The following AEBP2 variants were observed in gnomAD, a reference collection of about 807,000 sequenced individuals.
The protein encoded by AEBP2 is AE binding protein 2.
Under a neutral mutation model 50.8 loss-of-function variants are expected in AEBP2, and 10 were observed. That is an observed-to-expected ratio of 0.20 (90% confidence interval 0.12 to 0.33). The LOEUF (loss-of-function observed/expected upper bound fraction) is 0.33, where lower values mean the gene tolerates loss of function less well. AEBP2 is among the 10% of genes least tolerant of loss of function. AEBP2 has a pLI of 1.00. For synonymous variants in AEBP2, 296 were observed against 261.3 expected (o/e 1.13, Z -1.28); for missense variants, 570 against 688.0 (o/e 0.83, Z 1.92).
rs538992101 is a variant in AEBP2, at chr12:19,496,473, A to G, written c.1174+2487A>G. ...AGACAGTGCTGTGATTTGAATTAGCATGGTTAACAGCTGCTGCATTTCACT... is the reference window on the plus strand; with the variant it reads ...AGACAGTGCTGTGATTTGAATTAGCGTGGTTAACAGCTGCTGCATTTCACT... On this transcript the variant is annotated intron_variant, in intron 4 of 7. Transcript: ENST00000266508. Among the ~76,000 whole-genome samples, 5 of 152,300 alleles carry G rather than the reference A, an allele frequency of 3.3e-5. No homozygotes were observed. In the South Asian group the frequency reaches 1.0e-3, roughly 32 times the overall value.
intron 3 of AEBP2, among the ~76,000 whole-genome samples, chr12:19,487,724 TAAAG>T (rs930399887): frequency 1.3e-5 from 2 of 148,980 alleles, no homozygotes; most frequent in African/African-American, 4.9e-5. Flanking sequence ...TTAAAAAACA[TAAAG>T]AAAAAAAAAG....
chr12:19,463,011 T>C (rs894835608), intron 2 of AEBP2, among the ~76,000 whole-genome samples: 1 of 152,238 alleles, frequency 6.6e-6, no homozygotes, highest in African/African-American at 2.4e-5. Context: ...AGGGTTCTGA[T>C]GTTTTGAGTT....
Position 19,458,145 on chromosome 12 carries a change from T to C in AEBP2, c.672-4365T>C, listed in dbSNP as rs377439678. Among the ~76,000 whole-genome samples, 25 of 152,320 alleles carry C rather than the reference T, an allele frequency of 1.6e-4. No homozygotes were observed. In the East Asian group the frequency reaches 1.7e-3, roughly 11 times the overall value. ...AGGAAGGGCACTGCTTTCTGTGAAATTGCTATCTAGCTCAGGGTCCTGTCA... is the reference window on the plus strand; with the variant it reads ...AGGAAGGGCACTGCTTTCTGTGAAACTGCTATCTAGCTCAGGGTCCTGTCA... On this transcript the variant is annotated intron_variant, in intron 1 of 7. Transcript: ENST00000266508.
At chr12:19,511,183 A>G (rs1466649441) in intron 5 of AEBP2, among the ~76,000 whole-genome samples, 1 of 152,066 alleles carries the variant, frequency 6.6e-6, no homozygotes, top group Admixed American at 6.6e-5. Context: ...TTTCATATAA[A>G]TAAGTCTTTA....
intron 1 of AEBP2, among the ~76,000 whole-genome samples, chr12:19,408,170 A>AT (rs1257152017): frequency 6.6e-6 from 1 of 152,212 alleles, no homozygotes; most frequent in African/African-American, 2.4e-5. Flanking sequence ...TTAAGTATAC[A>AT]TAAAATATCT....
intron 2 of AEBP2, among the ~76,000 whole-genome samples, chr12:19,465,421 G>A (rs541914935): frequency 1.3e-5 from 2 of 152,004 alleles, no homozygotes; most frequent in Admixed American, 1.3e-4. Flanking sequence ...AATAAAAAGA[G>A]TAATGTTATT....
In AEBP2 at chr12:19,500,252, T is replaced by C. The variant is rs529493381; in HGVS notation, c.1299+31T>C. 4 of 1,407,076 alleles carry C rather than the reference T, an allele frequency of 2.8e-6. No individual in the cohort carries two copies. In the African/African-American group the frequency reaches 6.0e-5, roughly 21 times the overall value. The allele number at this position is 1,407,076 out of a possible 1,614,324, so 87.2% of individuals were successfully genotyped here. A position where few individuals can be genotyped will look rare whatever the true frequency, so the allele number is the denominator to read the frequency against. The stretch of plus-strand genomic sequence containing the variant: ...TATTCTTTTATTTTTTCAAATTAAA[T>C]ATAAAACTTTGCAAAAAAATATTTC... On this transcript the variant is annotated intron_variant, in intron 5 of 7. Coordinates refer to ENST00000266508, the MANE Select transcript of AEBP2 (RefSeq NM_153207.5).
chr12:19,479,020 G>A (rs902626791), intron 3 of AEBP2, among the ~76,000 whole-genome samples: 1 of 152,064 alleles, frequency 6.6e-6, no homozygotes, highest in African/African-American at 2.4e-5. Flanking sequence ...ACCAGCCTGG[G>A]CAACATGGCA....
chr12:19,517,636 C>T (rs1313570133), intron 7 of AEBP2, among the ~76,000 whole-genome samples: 2 of 152,146 alleles, frequency 1.3e-5, no homozygotes, highest in East Asian at 1.9e-4. Flanking sequence ...CTGTGCATGC[C>T]GAGAGACAAC....
intron 3 of AEBP2, among the ~76,000 whole-genome samples, chr12:19,484,250 A>ATTT (rs59403434): frequency 9.3e-6 from 1 of 107,518 alleles, no homozygotes; most frequent in African/African-American, 3.6e-5. Context: ...CGCCCAGCCA[A>ATTT]TTTTTTTTTT....
At chr12:19,456,791 A>T (rs10841233) in intron 1 of AEBP2, 123,410 of 1,572,324 alleles carry the variant, frequency 0.078, 10,501 homozygotes, top group African/African-American at 0.4. Context: ...TGTTGACTGG[A>T]GCAAAGGTGA....
chr12:19,511,133 A>G (rs1264228310), intron 5 of AEBP2, among the ~76,000 whole-genome samples: 3 of 152,108 alleles, frequency 2.0e-5, no homozygotes, highest in African/African-American at 7.2e-5. Context: ...TACTGAGGAA[A>G]TGACCTTTAG....
intron 7 of AEBP2, among the ~76,000 whole-genome samples, chr12:19,517,744 C>T (rs1949341093): frequency 1.3e-5 from 2 of 152,200 alleles, no homozygotes; most frequent in African/African-American, 2.4e-5. Flanking sequence ...CTCAAGCAGT[C>T]TTTCTGCCTT....
intron 1 of AEBP2, among the ~76,000 whole-genome samples, chr12:19,455,975 G>A (rs913871991): frequency 6.6e-6 from 1 of 151,494 alleles, no homozygotes; most frequent in Non-Finnish European, 1.5e-5. Flanking sequence ...ACTTTTTTAG[G>A]GGCTCTCAAA....
intron 3 of AEBP2, among the ~76,000 whole-genome samples, chr12:19,476,048 C>T (rs1317798050): frequency 6.6e-6 from 1 of 152,012 alleles, no homozygotes; most frequent in African/African-American, 2.4e-5. Flanking sequence ...TTTTTATGTG[C>T]AGAAGCTTTT....
chr12:19,459,602 G>A (rs1158123038), intron 1 of AEBP2, among the ~76,000 whole-genome samples: 1 of 152,118 alleles, frequency 6.6e-6, no homozygotes, highest in Non-Finnish European at 1.5e-5. Context: ...CATACCCAAG[G>A]TTAGTCTTGC....
At position 19,457,717 on chromosome 12, in the gene AEBP2, A is replaced by AT. The variant is rs1592732309; in HGVS notation, c.672-4793_672-4792insT. 3.0e-5 allele frequency: 29 copies of AT among 980,738 alleles called. No individual in the cohort carries two copies. In the East Asian group the frequency reaches 9.3e-4, roughly 31 times the overall value. 60.8% of individuals were successfully genotyped at this position (980,738 alleles called of 1,614,324 possible). A position where few individuals can be genotyped will look rare whatever the true frequency, so the allele number is the denominator to read the frequency against. ...GCAAACCCATTGTGAAAAGAAAAAA[A>AT]AGCTAGTCAGAGAGATCTTTTCGGT... is the stretch of plus-strand genomic sequence containing the variant. On this transcript the variant is annotated intron_variant, in intron 1 of 7. Transcript: ENST00000266508.
intron 1 of AEBP2, chr12:19,456,603 A>C (rs1592731237): frequency 6.5e-7 from 1 of 1,528,004 alleles, no homozygotes; most frequent in Non-Finnish European, 9.0e-7. Context: ...CAGGATAATC[A>C]CCTGAGCAGT....
At chr12:19,492,717 A>G (rs1424908615) in intron 3 of AEBP2, among the ~76,000 whole-genome samples, 1 of 152,220 alleles carries the variant, frequency 6.6e-6, no homozygotes, top group East Asian at 1.9e-4. Flanking sequence ...GTGCACACCT[A>G]GCTCTGTGGG....
Sources: gnomAD v4.1 joint callset for allele counts (sites outside exome capture counted in the v4.1 genomes callset) on GRCh38, gnomAD v4.1.1 for gene constraint, MANE v1.5 for transcripts, NCBI Gene and HGNC (gene_info 2026-07-23, HGNC 2026-07-21) for gene names.